The following RASGRF1 variants were observed in gnomAD, a reference collection of about 807,000 sequenced individuals.
RASGRF1 encodes the protein ras-specific guanine nucleotide-releasing factor 1.
Under a neutral mutation model 138.7 loss-of-function variants are expected in RASGRF1, and 40 were observed. The ratio of observed to expected loss-of-function variants is 0.29; its 90% confidence interval spans 0.22 to 0.38. The LOEUF (loss-of-function observed/expected upper bound fraction) is 0.38, where lower values mean the gene tolerates loss of function less well. RASGRF1 is among the 10% of genes least tolerant of loss of function. The pLI, the probability that RASGRF1 is intolerant of heterozygous loss-of-function variation, is 1.00. For missense variants in RASGRF1, 1,108 were observed against 1,650.4 expected, an observed-to-expected ratio of 0.67 and a Z score of 5.69; for synonymous variants, 614 against 663.2, an observed-to-expected ratio of 0.93 and a Z score of 1.14.
intron 22 of RASGRF1, 133 bp from the exon 23 acceptor site, chr15:78,985,337 CAG>C: frequency 1.0e-6 from 1 of 972,812 alleles, no homozygotes; most frequent in African/African-American, 1.6e-5. Flanking sequence ...GAACAACTAA[CAG>C]AGCTTGCTAG....
At chr15:78,965,293 C>T (rs1428138840) in intron 26 of RASGRF1, among the ~76,000 whole-genome samples, 1 of 152,140 alleles carries the variant, frequency 6.6e-6, no homozygotes, top group Non-Finnish European at 1.5e-5. Context: ...GCCTTTAAAT[C>T]CCTCTGCTCT....
chr15:79,055,726 C>T (rs1033208354), intron 3 of RASGRF1, among the ~76,000 whole-genome samples: 1 of 152,192 alleles, frequency 6.6e-6, no homozygotes, highest in African/African-American at 2.4e-5. Flanking sequence ...CATAAACCCA[C>T]ACCTCCCAGG....
intron 2 of RASGRF1, among the ~76,000 whole-genome samples, chr15:79,059,991 GACACACACAC>G (rs941037876): frequency 2.2e-4 from 7 of 31,532 alleles, no homozygotes; most frequent in African/African-American, 9.9e-4. Context: ...CAGACACACA[GACACACACAC>G]ACACACACAC....
intron 2 of RASGRF1, among the ~76,000 whole-genome samples, chr15:79,061,433 A>ATATATATATATATATATATATATATAT (rs2057605845): frequency 2.8e-4 from 10 of 35,594 alleles, no homozygotes; most frequent in Admixed American, 6.2e-4. Context: ...TATATATATC[A>ATATATATATATATATATATATATATAT]TTCATTTTTA....
At chr15:78,997,401 G>A (rs1026181919) in intron 19 of RASGRF1, among the ~76,000 whole-genome samples, 1 of 152,184 alleles carries the variant, frequency 6.6e-6, no homozygotes, top group Non-Finnish European at 1.5e-5. Flanking sequence ...TGTCACTGAG[G>A]AACTGAACTT....
At chr15:78,999,351 A>T (rs548552286) in intron 17 of RASGRF1, among the ~76,000 whole-genome samples, 9 of 152,242 alleles carry the variant, frequency 5.9e-5, no homozygotes, top group African/African-American at 2.2e-4. Context: ...GATGGATGGC[A>T]TTCAGCTGGC....
Position 79,071,511 on chromosome 15 carries a change from C to T in RASGRF1, c.277-6985G>A, listed in dbSNP as rs144030788. ...AATTGCTGGGACTACAGGTGTGCGC[C>T]GCCATGCCCGGCTAATTTTTTTTTT... On this transcript the variant is annotated intron_variant, in intron 1 of 26. Coordinates refer to ENST00000558480, the MANE Select transcript of RASGRF1 (RefSeq NM_001145648.3). Among the ~76,000 whole-genome samples, 958 of 151,550 alleles carry T rather than the reference C, an allele frequency of 6.3e-3. 14 individuals carry two copies. Among genetic ancestry groups the T allele is most frequent in the African/African-American group, 0.023 (925 of 41,076 alleles).
intron 16 of RASGRF1, among the ~76,000 whole-genome samples, 172 bp from the exon 17 acceptor site, chr15:79,000,085 A>G (rs1240238080): frequency 1.3e-5 from 2 of 152,098 alleles, no homozygotes; most frequent in African/African-American, 2.4e-5. Context: ...TCTCTGTGTT[A>G]GAAGCTCTGG....
At chr15:79,065,441 A>G (rs1451369186) in intron 1 of RASGRF1, among the ~76,000 whole-genome samples, 1 of 151,982 alleles carries the variant, frequency 6.6e-6, no homozygotes, top group African/African-American at 2.4e-5. Context: ...TGCAGCTGAG[A>G]GGAGGAGCCG....
rs1002048564 is a variant in RASGRF1 at position 79,050,250 on chromosome 15, A to G, written c.532-662T>C. ...CCTCATCTAAGCGGAATCATGCACT[A>G]TTTGTCTTTCTGTGACCGGCTTATT... On this transcript the variant is annotated intron_variant, in intron 3 of 26. Coordinates refer to ENST00000558480, the MANE Select transcript of RASGRF1 (RefSeq NM_001145648.3). This position sits in a 1 kb window ranked among gnomAD's most constrained non-coding sequence, Gnocchi z 4.1. Among the ~76,000 whole-genome samples, 1 of 151,902 alleles carries G rather than the reference A, an allele frequency of 6.6e-6. No homozygotes were observed. The highest frequency in any genetic ancestry group is 2.1e-4 in the South Asian group (1 of 4,810).
chr15:78,980,741 T>C, intron 23 of RASGRF1, 42 bp from the exon 24 acceptor site: 1 of 1,472,846 alleles, frequency 6.8e-7, no homozygotes. Flanking sequence ...CAGCACACGC[T>C]GTGATCCCCG....
intron 3 of RASGRF1, among the ~76,000 whole-genome samples, chr15:79,049,865 C>T (rs2057407526): frequency 6.6e-6 from 1 of 152,158 alleles, no homozygotes; most frequent in African/African-American, 2.4e-5. Flanking sequence ...TGGACGAAGC[C>T]CTTCTGCTCT....
intron 4 of RASGRF1, among the ~76,000 whole-genome samples, chr15:79,048,902 C>T (rs918347448): frequency 3.9e-5 from 6 of 152,328 alleles, no homozygotes; most frequent in East Asian, 3.9e-4. Context: ...ACACAGCCCA[C>T]GCTCCTTCCC....
rs2056665394 is a variant in RASGRF1 at position 79,006,035 on chromosome 15, G to A, written c.2075+151C>T. ...GAGGCTTGGTTCCTGGGGAGAGGGG[G>A]CAGTGGCGGTGTGTGTCCCGCAGCA... On this transcript the variant is annotated intron_variant, in intron 14 of 26. Transcript: ENST00000558480. This position sits in a 1 kb window ranked among gnomAD's most constrained non-coding sequence, Gnocchi z 4.0. The A allele has an allele frequency of 6.2e-6, 7 of 1,135,718 alleles. No homozygotes were observed. The highest frequency in any genetic ancestry group is 3.0e-4 in the Middle Eastern group (1 of 3,350). The allele number at this position is 1,135,718 out of a possible 1,614,324, so 70.4% of individuals were successfully genotyped here. A position where few individuals can be genotyped will look rare whatever the true frequency, so the allele number is the denominator to read the frequency against.
intron 8 of RASGRF1, 146 bp from the exon 9 acceptor site, chr15:79,028,005 G>T: frequency 7.3e-6 from 6 of 817,752 alleles, no homozygotes; most frequent in Non-Finnish European, 1.2e-5. Context: ...GGGGAAGGGA[G>T]TGTGCATTTA....
intron 6 of RASGRF1, among the ~76,000 whole-genome samples, chr15:79,033,570 TTTTTTCTTTTC>T (rs1445641012): frequency 4.3e-5 from 6 of 139,758 alleles, no homozygotes; most frequent in South Asian, 2.3e-4. Context: ...CTTCTTCTTC[TTTTTTCTTTTC>T]TTTTTTTTTT....
chr15:79,057,280 G>T (rs2057523854), intron 3 of RASGRF1, among the ~76,000 whole-genome samples: 1 of 152,180 alleles, frequency 6.6e-6, no homozygotes, highest in Admixed American at 6.5e-5. Context: ...GGAGCTCCTT[G>T]CCCACCCCAG....
Position 78,985,159 on chromosome 15 carries a change from T to A in RASGRF1, c.3262A>T (p.Asn1088Tyr). 6.2e-7 allele frequency: 1 copy of A among 1,613,480 alleles called. No individual in the cohort carries two copies. The highest frequency in any genetic ancestry group is 8.5e-7 in the Non-Finnish European group (1 of 1,179,366). ...ASEIIRNEDI[N>Y]ARVSAIEKWV... is the part of the protein sequence containing the mutation. ...TTCTCGATGGCGCTCACCCTGGCGT[T>A]GATGTCCTCATTGCGGATGATTTCT... Residue 1088 changes from asparagine (N) to tyrosine (Y), a missense_variant, in exon 23 of 27, where the codon AAC becomes TAC. Physicochemically the swap from Asn to Tyr is moderately radical, Grantham distance 143. Coordinates refer to ENST00000558480, the MANE Select transcript of RASGRF1 (RefSeq NM_001145648.3).
rs2057363746 is a variant in RASGRF1, at chr15:79,047,058, C to T, written c.625-59G>A. On this transcript the variant is annotated intron_variant, in intron 4 of 26. Coordinates refer to ENST00000558480, the MANE Select transcript of RASGRF1 (RefSeq NM_001145648.3). ...TCAGGGAGTCTGGACCACTCCTGTC[C>T]TTCCAGGCTGTGAGCTCCCCAAGGG... 3.8e-6 allele frequency: 6 copies of T among 1,574,696 alleles called. No homozygotes were observed. The Admixed American group carries it at 8.5e-5, about 22-fold the overall frequency.
Sources: allele counts gnomAD v4.1 joint callset (sites outside exome capture counted in the v4.1 genomes callset), GRCh38; gene constraint gnomAD v4.1.1; non-coding constraint Gnocchi (gnomAD v3.1); transcripts MANE v1.5; gene names NCBI Gene and HGNC (gene_info 2026-07-23, HGNC 2026-07-21).